The following FBXO34 variants were observed in gnomAD, a reference collection of about 807,000 sequenced individuals.
FBXO34 encodes the protein F-box only protein 34.
In FBXO34, 12 loss-of-function variants were observed where a neutral mutation model predicts 24.5. The ratio of observed to expected loss-of-function variants is 0.49; its 90% CI spans 0.31 to 0.79. FBXO34 has a LOEUF of 0.79. Among genes scored for constraint, FBXO34 ranks in the 30% least tolerant of loss-of-function variants. The probability of loss-of-function intolerance (pLI) is 0.04; values close to 1 mark genes in which losing one functional copy is unlikely to be tolerated. For synonymous variants in FBXO34, 320 were observed against 311.9 expected (o/e 1.03, Z -0.27); for missense variants, 823 against 857.7 (o/e 0.96, Z 0.51).
chr14:55,370,664 C>CA (rs1240599821), downstream of FBXO34, among the ~76,000 whole-genome samples: 13 of 151,586 alleles, frequency 8.6e-5, no homozygotes, highest in Non-Finnish European at 2.9e-5. Context: ...TTTATTTAGA[C>CA]AGAGTCTCGT....
intron 1 of FBXO34, among the ~76,000 whole-genome samples, chr14:55,341,433 A>G (rs17673930): frequency 0.058 from 8,859 of 152,296 alleles, 327 homozygotes; most frequent in South Asian, 0.089. Flanking sequence ...ATATGGAAAA[A>G]TGATTGGTTT....
the FBXO34 span, among the ~76,000 whole-genome samples, chr14:55,426,437 C>A: frequency 1.3e-5 from 2 of 151,964 alleles, no homozygotes; most frequent in Admixed American, 1.3e-4. Context: ...AACTGAATGA[C>A]CTTAGGGGTT....
the FBXO34 span, among the ~76,000 whole-genome samples, chr14:55,411,398 G>A: frequency 6.6e-6 from 1 of 152,192 alleles, no homozygotes; most frequent in Non-Finnish European, 1.5e-5. Flanking sequence ...GGGTGATGGG[G>A]AAACGGCGAC....
chr14:55,386,162 AC>A, the FBXO34 span: 3 of 1,325,124 alleles, frequency 2.3e-6, no homozygotes, highest in Non-Finnish European at 3.1e-6. Flanking sequence ...GCAGAGCTCC[AC>A]CCCACAAACA....
At chr14:55,384,869 C>T in the FBXO34 span, among the ~76,000 whole-genome samples, 5,041 of 152,252 alleles carry the variant, frequency 0.033, 131 homozygotes, top group Non-Finnish European at 0.05. Flanking sequence ...TCAGCAGCAG[C>T]ATCAGGGAAG....
At chr14:55,362,277 CTT>C (rs1377082784), downstream of FBXO34, among the ~76,000 whole-genome samples, 2 of 152,190 alleles carry the variant, frequency 1.3e-5, no homozygotes, top group African/African-American at 4.8e-5. Flanking sequence ...AGTTTGCTCT[CTT>C]ATACAGACAG....
the FBXO34 span, among the ~76,000 whole-genome samples, chr14:55,411,015 C>G: frequency 6.6e-6 from 1 of 152,116 alleles, no homozygotes; most frequent in Non-Finnish European, 1.5e-5. Context: ...TAAAACAAGG[C>G]CAAAACACGT....
chr14:55,316,126 C>T (rs1383937527), intron 1 of FBXO34, among the ~76,000 whole-genome samples: 2 of 151,894 alleles, frequency 1.3e-5, no homozygotes, highest in Non-Finnish European at 2.9e-5. Context: ...TAGCATACTG[C>T]TCTTCTTATT....
chr14:55,360,566 C>T (rs1022538185), intron 3 of FBXO34, among the ~76,000 whole-genome samples: 2 of 152,164 alleles, frequency 1.3e-5, no homozygotes, highest in Non-Finnish European at 2.9e-5. Flanking sequence ...TTGGAATCAA[C>T]TCATAAACCC....
At position 55,343,790 on chromosome 14, in the gene FBXO34, A is replaced by AT. The variant is rs1428314410; in HGVS notation, c.-10-6589dup. Among the ~76,000 whole-genome samples, 4 of 152,166 alleles carry AT rather than the reference A, an allele frequency of 2.6e-5. No individual in the cohort carries two copies. The East Asian group carries it at 7.7e-4, about 29-fold the overall frequency. ...GTCCTTTCTCCTTTTCTGACCACGT[A>AT]TTGTCATTCGATTCTTCATCAGGTT... On this transcript the variant is annotated intron_variant, in intron 1 of 1. Transcript: ENST00000313833.
At chr14:55,288,194 A>T (rs1280595476) in intron 1 of FBXO34, among the ~76,000 whole-genome samples, 1 of 152,152 alleles carries the variant, frequency 6.6e-6, no homozygotes, top group African/African-American at 2.4e-5. Context: ...CCTCTACCTT[A>T]TGATGTGGTT....
At chr14:55,387,024 A>G in the FBXO34 span, among the ~76,000 whole-genome samples, 2 of 152,136 alleles carry the variant, frequency 1.3e-5, no homozygotes, top group Non-Finnish European at 2.9e-5. Flanking sequence ...AAGTCTGTCT[A>G]TCTAGGCCTT....
intron 1 of FBXO34, among the ~76,000 whole-genome samples, chr14:55,324,481 T>G (rs1883275856): frequency 6.7e-6 from 1 of 149,514 alleles, no homozygotes; most frequent in Non-Finnish European, 1.5e-5. Flanking sequence ...TTCTTTAAGT[T>G]TTTTTTTTTT....
At chr14:55,328,777 G>T (rs1240584622) in intron 1 of FBXO34, among the ~76,000 whole-genome samples, 3 of 152,142 alleles carry the variant, frequency 2.0e-5, no homozygotes, top group Non-Finnish European at 4.4e-5. Flanking sequence ...TAAACTGTTT[G>T]AGGTGCCCTG....
At chr14:55,298,737 A>C (rs1049664209) in intron 1 of FBXO34, 6 of 1,571,466 alleles carry the variant, frequency 3.8e-6, no homozygotes, top group African/African-American at 2.7e-5. Flanking sequence ...GATGTTAAGC[A>C]AGAAACAGGA....
At chr14:55,432,433 T>C in the FBXO34 span, among the ~76,000 whole-genome samples, 2 of 99,318 alleles carry the variant, frequency 2.0e-5, no homozygotes. Context: ...AAACAACAAA[T>C]AAACAAACAA....
chr14:55,350,653 A>G lies in FBXO34; in HGVS notation c.263A>G (p.Lys88Arg). The G allele has an allele frequency of 6.2e-7, 1 of 1,613,918 alleles. No homozygotes were observed. Among genetic ancestry groups the G allele is most frequent in the East Asian group, 2.2e-5 (1 of 44,886 alleles). Residue 88 changes from lysine to arginine, a missense_variant, in exon 2 of 2, where the codon AAA becomes AGA. Around this residue, in one of 2 missense-constraint regions of FBXO34, gnomAD observed 693 missense variants for 659.1 expected, o/e 1.05. Transcript: ENST00000313833. ...GAGAGCAGCTTGAATGTTAAAACCAAAAAGAATGCACCATCTGCAACGATC... is the reference window on the plus strand; with the variant it reads ...GAGAGCAGCTTGAATGTTAAAACCAGAAAGAATGCACCATCTGCAACGATC... ...PVESSLNVKT[K>R]KNAPSATIHQ... is the part of the protein sequence containing the mutation.
chr14:55,283,970 G>GTGTGTC (rs1555334930), intron 1 of FBXO34, among the ~76,000 whole-genome samples: 21 of 151,388 alleles, frequency 1.4e-4, no homozygotes, highest in African/African-American at 4.6e-4. Context: ...GTGTGTGTGT[G>GTGTGTC]TGTGTCTGTG....
the FBXO34 span, among the ~76,000 whole-genome samples, chr14:55,422,308 C>T: frequency 3.9e-5 from 6 of 152,138 alleles, no homozygotes; most frequent in Non-Finnish European, 7.3e-5. Flanking sequence ...GTAGACTACG[C>T]GATCTCAGCT....
Sources: gnomAD v4.1 joint callset for allele counts (sites outside exome capture counted in the v4.1 genomes callset) on GRCh38, gnomAD v4.1.1 for gene constraint, gnomAD v4.1.1 regional missense constraint, MANE v1.5 for transcripts, NCBI Gene and HGNC (gene_info 2026-07-23, HGNC 2026-07-21) for gene names.